The following GFPT2 variants were observed in gnomAD, a reference collection of about 807,000 sequenced individuals.
The protein encoded by GFPT2 is glutamine--fructose-6-phosphate aminotransferase [isomerizing] 2.
In GFPT2, 62 loss-of-function variants were observed where a neutral mutation model predicts 85.6. The ratio of observed to expected loss-of-function variants is 0.72; its 90% confidence interval spans 0.59 to 0.90. The LOEUF is 0.90. Among genes scored for constraint, GFPT2 ranks in the 40% least tolerant of loss-of-function variants. The pLI is 0.00. For missense variants in GFPT2, 788 were observed against 893.4 expected (o/e 0.88, Z 1.50); for synonymous variants, 368 against 344.5 (o/e 1.07, Z -0.75).
Position 180,308,955 on chromosome 5 carries a change from G to A in GFPT2, c.1547-1652C>T, listed in dbSNP as rs143171627. On this transcript the variant is annotated intron_variant, in intron 15 of 18. Transcript: ENST00000253778. ...CACGATCTCGGCTCACTGTAACCTC[G>A]GCCACCCGGGTTCAAGTGATTCTCC... 1.4e-3 allele frequency among the ~76,000 whole-genome samples: 216 copies of A among 150,630 alleles called. 1 individual carries two copies. The highest frequency in any genetic ancestry group is 4.9e-3 in the African/African-American group (200 of 40,838).
At chr5:180,304,987 G>A (rs374562769) in intron 16 of GFPT2, 48 bp from the exon 17 acceptor site, 78 of 1,341,052 alleles carry the variant, frequency 5.8e-5, no homozygotes, top group East Asian at 4.6e-4. Context: ...GATGGGGCTG[G>A]AGCAGATCAG....
intron 3 of GFPT2, 130 bp downstream of exon 3, chr5:180,336,349 G>C (rs1000271017): frequency 2.7e-6 from 2 of 736,226 alleles, no homozygotes; most frequent in Non-Finnish European, 5.0e-6. Flanking sequence ...TACAGCACGG[G>C]CTTAGCCCTC....
At chr5:180,340,627 T>A (rs958147698) in intron 1 of GFPT2, among the ~76,000 whole-genome samples, 2 of 150,908 alleles carry the variant, frequency 1.3e-5, no homozygotes, top group Non-Finnish European at 2.9e-5. Flanking sequence ...TTCTCCTGCC[T>A]CAGCCTCCCG....
intron 14 of GFPT2, 133 bp from the exon 15 acceptor site, chr5:180,312,677 C>T (rs973915131): frequency 8.4e-6 from 5 of 593,316 alleles, no homozygotes; most frequent in South Asian, 6.4e-5. Flanking sequence ...CAGCCTCAAC[C>T]TCCTCAAGTG....
chr5:180,338,078 T>G (rs1474424011), intron 2 of GFPT2, among the ~76,000 whole-genome samples: 1 of 152,148 alleles, frequency 6.6e-6, no homozygotes, highest in East Asian at 1.9e-4. Flanking sequence ...TGAGCCAATT[T>G]CTTGGAACTG....
intron 4 of GFPT2, 89 bp downstream of exon 4, chr5:180,335,739 G>A: frequency 1.5e-6 from 2 of 1,334,792 alleles, no homozygotes; most frequent in Non-Finnish European, 2.1e-6. Flanking sequence ...TCAGTTAGAG[G>A]TGGGCGCGGA....
chr5:180,305,014 G>A, intron 16 of GFPT2, 75 bp from the exon 17 acceptor site: 1 of 1,011,860 alleles, frequency 9.9e-7, no homozygotes, highest in Non-Finnish European at 1.5e-6. Flanking sequence ...GGGAAGAAGG[G>A]GAACCAGGGG....
chr5:180,331,365 C>T (rs550447442), intron 5 of GFPT2, 130 bp downstream of exon 5: 54 of 651,502 alleles, frequency 8.3e-5, no homozygotes, highest in Admixed American at 3.3e-4. Context: ...CTTCTCAACA[C>T]GGTGACGTGG....
At chr5:180,352,253 CAG>C (rs930827398) in intron 1 of GFPT2, 5 of 367,484 alleles carry the variant, frequency 1.4e-5, no homozygotes, top group African/African-American at 9.2e-5. Context: ...TCAGCAAAGT[CAG>C]AGAGAGGCCT....
rs1300031428 is a variant in GFPT2, at chr5:180,326,892, C to A, written c.596+1385G>T. 3.3e-5 allele frequency among the ~76,000 whole-genome samples: 5 copies of A among 152,240 alleles called. No individual in the cohort carries two copies. In the South Asian group the frequency reaches 8.3e-4, roughly 25 times the overall value. On this transcript the variant is annotated intron_variant, in intron 7 of 18. Coordinates refer to ENST00000253778, the MANE Select transcript of GFPT2 (RefSeq NM_005110.4). ...AAAATAAAGCTTTATTGCTTCTTCA[C>A]GCTGCCTTCTTCTGAGTTCATTTAA... is the stretch of plus-strand genomic sequence containing the variant.
chr5:180,312,354 G>A (rs1763909649), intron 15 of GFPT2, 76 bp downstream of exon 15: 2 of 811,286 alleles, frequency 2.5e-6, no homozygotes, highest in South Asian at 1.4e-5. Context: ...ATCCTGTACA[G>A]GTGAGAGTCA....
chr5:180,313,624 A>T (rs986588635), intron 14 of GFPT2, among the ~76,000 whole-genome samples, 183 bp downstream of exon 14: 9 of 147,324 alleles, frequency 6.1e-5, no homozygotes, highest in South Asian at 2.1e-4. Context: ...AAATAAAAAT[A>T]AAAAAAATGA....
At chr5:180,327,617 T>C (rs994693189) in intron 7 of GFPT2, among the ~76,000 whole-genome samples, 7 of 152,202 alleles carry the variant, frequency 4.6e-5, no homozygotes, top group African/African-American at 1.7e-4. Context: ...AGGTCAGATG[T>C]CACTAAGTCC....
chr5:180,305,827 C>T (rs530385600), intron 16 of GFPT2, among the ~76,000 whole-genome samples: 2 of 152,168 alleles, frequency 1.3e-5, no homozygotes, highest in Non-Finnish European at 2.9e-5. Context: ...CCTGCCTGTT[C>T]TTTAACAGGA....
intron 17 of GFPT2, among the ~76,000 whole-genome samples, chr5:180,304,349 C>A (rs536371770): frequency 2.0e-5 from 3 of 152,328 alleles, no homozygotes; most frequent in Admixed American, 1.3e-4. Context: ...TGTGGGTGGA[C>A]CCCTGGCTTG....
chr5:180,331,683 T>C (rs982844965), intron 4 of GFPT2, 130 bp from the exon 5 acceptor site: 1 of 693,134 alleles, frequency 1.4e-6, no homozygotes, highest in East Asian at 2.7e-5. Flanking sequence ...GCACACTTTG[T>C]TTACAGTGAT....
intron 1 of GFPT2, among the ~76,000 whole-genome samples, chr5:180,345,954 C>G (rs899493655): frequency 2.3e-4 from 35 of 152,174 alleles, no homozygotes; most frequent in African/African-American, 8.2e-4. Context: ...TAATCAAACA[C>G]AGAGGCTTAC....
At chr5:180,307,887 T>C (rs11741959) in intron 15 of GFPT2, among the ~76,000 whole-genome samples, 1 of 151,482 alleles carries the variant, frequency 6.6e-6, no homozygotes, top group Non-Finnish European at 1.5e-5. Context: ...CCGAGGCGGG[T>C]GGATCATGAG....
intron 15 of GFPT2, among the ~76,000 whole-genome samples, chr5:180,308,609 T>A (rs1243056071): frequency 1.3e-5 from 2 of 152,224 alleles, no homozygotes; most frequent in Non-Finnish European, 2.9e-5. Flanking sequence ...CCACAGTACA[T>A]CAAACTTGAG....
Sources: allele counts gnomAD v4.1 joint callset (sites outside exome capture counted in the v4.1 genomes callset), GRCh38; gene constraint gnomAD v4.1.1; transcripts MANE v1.5; gene names NCBI Gene and HGNC (gene_info 2026-07-23, HGNC 2026-07-21).